Variants in MCPH1 observed in about 807,000 individuals in gnomAD.
MCPH1 encodes microcephalin 1.
Under a neutral mutation model 84.5 loss-of-function variants are expected in MCPH1, and 104 were observed. The observed-to-expected ratio is 1.23, with a 90% confidence interval of 1.05 to 1.45. The LOEUF (loss-of-function observed/expected upper bound fraction) is 1.45, where lower values mean the gene tolerates loss of function less well. Ranked by LOEUF, MCPH1 falls within the 40% of genes most tolerant of loss-of-function variation. The pLI, the probability that MCPH1 is intolerant of heterozygous loss-of-function variation, is 0.00. For synonymous variants in MCPH1, 514 were observed against 366.8 expected, an observed-to-expected ratio of 1.40 and a Z score of -4.58; for missense variants, 1,498 against 1,005.7, an observed-to-expected ratio of 1.49 and a Z score of -6.62.
chr8:6,502,217 T>C (rs1357609294), intron 12 of MCPH1: 1 of 152,138 alleles, frequency 6.6e-6, no homozygotes, highest in Non-Finnish European at 1.5e-5. Context: ...GAAGTTTCCT[T>C]ATCACAAGGC....
chr8:6,599,751 G>A lies in MCPH1; in HGVS notation c.2215-21703G>A, dbSNP rs535846808. Among the ~76,000 whole-genome samples the A allele has an allele frequency of 2.0e-5, 3 of 152,264 alleles. No homozygotes were observed. In the East Asian group the frequency reaches 5.8e-4, roughly 29 times the overall value. On this transcript the variant is annotated intron_variant, in intron 12 of 13. Coordinates refer to ENST00000344683, the MANE Select transcript of MCPH1 (RefSeq NM_024596.5). Reference sequence around the variant, plus strand: ...TGTTTTTTTGAAAGTAGTGAGGGTAGGAAGTTACAGAGAGATTCAATTAGA... The same window carrying A: ...TGTTTTTTTGAAAGTAGTGAGGGTAAGAAGTTACAGAGAGATTCAATTAGA...
intron 13 of MCPH1, among the ~76,000 whole-genome samples, chr8:6,633,449 T>C (rs909543505): frequency 1.3e-5 from 2 of 152,224 alleles, no homozygotes; most frequent in Non-Finnish European, 2.9e-5. Context: ...AGCCATGTAA[T>C]ACAGGTTGAA....
chr8:6,485,154 G>C (rs772145376), intron 11 of MCPH1, among the ~76,000 whole-genome samples: 2 of 151,974 alleles, frequency 1.3e-5, no homozygotes, highest in East Asian at 3.9e-4. Flanking sequence ...GTGAAACTCC[G>C]TCTCTACTAA....
At chr8:6,497,593 A>T (rs781762027) in intron 11 of MCPH1, among the ~76,000 whole-genome samples, 1 of 152,216 alleles carries the variant, frequency 6.6e-6, no homozygotes, top group Non-Finnish European at 1.5e-5. Flanking sequence ...CTTTTCACTT[A>T]TAAGGAACTG....
chr8:6,514,723 T>A (rs200291021), intron 12 of MCPH1: 271 of 1,614,024 alleles, frequency 1.7e-4, no homozygotes, highest in Non-Finnish European at 2.1e-4. Context: ...GCTGCCATCC[T>A]CACGTCGCTG....
At chr8:6,426,828 T>A (rs1801130273) in intron 3 of MCPH1, among the ~76,000 whole-genome samples, 1 of 152,216 alleles carries the variant, frequency 6.6e-6, no homozygotes, top group African/African-American at 2.4e-5. Context: ...TTTCATGGTT[T>A]TTTTTTTCCC....
intron 12 of MCPH1, among the ~76,000 whole-genome samples, chr8:6,558,485 A>G (rs559292997): frequency 8.5e-5 from 13 of 152,338 alleles, no homozygotes; most frequent in African/African-American, 3.1e-4. Context: ...GACCATCCTG[A>G]GCATCTGATC....
chr8:6,612,639 G>A (rs917911656), intron 12 of MCPH1, among the ~76,000 whole-genome samples: 1 of 152,212 alleles, frequency 6.6e-6, no homozygotes, highest in African/African-American at 2.4e-5. Flanking sequence ...TGCCCAGCTG[G>A]CTGGCCTGCC....
intron 1 of MCPH1, among the ~76,000 whole-genome samples, chr8:6,407,296 G>A (rs1161207575): frequency 6.6e-6 from 1 of 152,034 alleles, no homozygotes; most frequent in Non-Finnish European, 1.5e-5. Flanking sequence ...CAGGCGCTGT[G>A]CTTAGGCTAG....
chr8:6,434,677 T>A (rs1267267783), intron 4 of MCPH1, among the ~76,000 whole-genome samples: 1 of 152,156 alleles, frequency 6.6e-6, no homozygotes, highest in African/African-American at 2.4e-5. Flanking sequence ...CAGAGCAAGA[T>A]CCCCAGTATA....
intron 12 of MCPH1, among the ~76,000 whole-genome samples, chr8:6,605,116 G>C (rs766183298): frequency 3.3e-5 from 5 of 152,144 alleles, no homozygotes; most frequent in South Asian, 2.1e-4. Context: ...CCCACAGCAG[G>C]TGCTTGGGGA....
chr8:6,584,774 G>C (rs1319803688), intron 12 of MCPH1, among the ~76,000 whole-genome samples: 1 of 152,188 alleles, frequency 6.6e-6, no homozygotes. Flanking sequence ...ATCTGACAAG[G>C]TTTAGCTATT....
chr8:6,476,899 T>G (rs1011359245), intron 9 of MCPH1, among the ~76,000 whole-genome samples: 1 of 152,214 alleles, frequency 6.6e-6, no homozygotes, highest in African/African-American at 2.4e-5. Flanking sequence ...AGAGTGAACA[T>G]TTGGCTGAAT....
chr8:6,589,433 C>T (rs538678926), intron 12 of MCPH1, among the ~76,000 whole-genome samples: 4 of 152,248 alleles, frequency 2.6e-5, no homozygotes, highest in African/African-American at 7.2e-5. Context: ...AGTTCATCGA[C>T]GGCCGATTTC....
At chr8:6,637,767 TG>T (rs1201268319) in intron 13 of MCPH1, among the ~76,000 whole-genome samples, 2 of 152,152 alleles carry the variant, frequency 1.3e-5, no homozygotes, top group Non-Finnish European at 2.9e-5. Context: ...TGCTGACACA[TG>T]TTTTTTTAAT....
intron 12 of MCPH1, chr8:6,513,867 C>A: frequency 6.3e-7 from 1 of 1,579,878 alleles, no homozygotes; most frequent in Non-Finnish European, 8.6e-7. Context: ...TTGTTAAATT[C>A]AATTATTTCA....
chr8:6,469,313 T>C (rs539852506), intron 9 of MCPH1, among the ~76,000 whole-genome samples: 1 of 152,346 alleles, frequency 6.6e-6, no homozygotes, highest in South Asian at 2.1e-4. Flanking sequence ...AGCTTATTAT[T>C]GTATTTAATA....
Position 6,456,026 on chromosome 8 carries a change from G to C in MCPH1, c.1935+774G>C, listed in dbSNP as rs187830592. On this transcript the variant is annotated intron_variant, in intron 9 of 13. Coordinates refer to ENST00000344683, the MANE Select transcript of MCPH1 (RefSeq NM_024596.5). The stretch of plus-strand genomic sequence containing the variant: ...GGGCGGCTGCATTTGACCTGCGGAA[G>C]AGAAACCTGACTCCTTTGCTTCTTA... Among the ~76,000 whole-genome samples, 37 of 152,312 alleles carry C rather than the reference G, an allele frequency of 2.4e-4. No individual in the cohort carries two copies. In the East Asian group the frequency reaches 7.1e-3, roughly 29 times the overall value.
rs184333349 is a variant in MCPH1, at chr8:6,407,367, G to A, written c.22+678G>A. 2.7e-3 allele frequency among the ~76,000 whole-genome samples: 411 copies of A among 152,196 alleles called. 2 individuals are homozygous for A. The highest frequency in any genetic ancestry group is 9.7e-3 in the African/African-American group (404 of 41,544). On this transcript the variant is annotated intron_variant, in intron 1 of 13. Coordinates refer to ENST00000344683, the MANE Select transcript of MCPH1 (RefSeq NM_024596.5). ...ACTCTCTTATATCATTTTACAGGCA[G>A]AAACTAAGGCATCGGACGTTTAGGT...
Sources: gnomAD v4.1 joint callset for allele counts (sites outside exome capture counted in the v4.1 genomes callset) on GRCh38, gnomAD v4.1.1 for gene constraint, MANE v1.5 for transcripts, NCBI Gene and HGNC (gene_info 2026-07-23, HGNC 2026-07-21) for gene names.